The following CACNA2D3 variants were observed in gnomAD, a reference collection of about 807,000 sequenced individuals.
The protein encoded by CACNA2D3 is voltage-dependent calcium channel subunit alpha-2/delta-3.
CACNA2D3 carries 60 observed loss-of-function variants against 160.6 expected under a neutral mutation model. That is an observed-to-expected ratio of 0.37 (90% CI 0.30 to 0.46). The LOEUF is 0.46. CACNA2D3 is among the 20% of genes least tolerant of loss of function. The probability of loss-of-function intolerance (pLI) is 1.00; values close to 1 mark genes in which losing one functional copy is unlikely to be tolerated. For missense variants in CACNA2D3, 1,205 were observed against 1,365.0 expected (o/e 0.88, Z 1.85); for synonymous variants, 558 against 492.9 (o/e 1.13, Z -1.75).
chr3:54,304,469 C>T (rs951470099), intron 2 of CACNA2D3, among the ~76,000 whole-genome samples: 2 of 152,046 alleles, frequency 1.3e-5, no homozygotes, highest in Non-Finnish European at 2.9e-5. Context: ...GATGACCTCA[C>T]TTTGATTGTA....
intron 27 of CACNA2D3, among the ~76,000 whole-genome samples, chr3:54,933,347 A>G (rs1226568769): frequency 2.6e-5 from 4 of 152,214 alleles, no homozygotes; most frequent in African/African-American, 4.8e-5. Flanking sequence ...ATCACAGTCT[A>G]GTTCAGGTTG....
intron 9 of CACNA2D3, among the ~76,000 whole-genome samples, chr3:54,598,307 CAAAAAAAAAAA>C (rs10656534): frequency 1.2e-4 from 6 of 49,850 alleles, no homozygotes; most frequent in East Asian, 1.6e-3. Flanking sequence ...CTCCGTCTCA[CAAAAAAAAAAA>C]AAAAAAAAAA....
At chr3:54,273,605 G>A (rs1014197554) in intron 2 of CACNA2D3, among the ~76,000 whole-genome samples, 13 of 152,292 alleles carry the variant, frequency 8.5e-5, no homozygotes, top group Non-Finnish European at 1.8e-4. Flanking sequence ...TGAAGTGCAG[G>A]CAATTTACTC....
At chr3:54,886,199 C>G (rs1699922387) in intron 23 of CACNA2D3, among the ~76,000 whole-genome samples, 2 of 108,252 alleles carry the variant, frequency 1.8e-5, no homozygotes. Flanking sequence ...TAAAACTGAT[C>G]ATGATATCTG....
rs536488148 is a variant in CACNA2D3, at chr3:54,411,715, C to T, written c.381+24941C>T. The stretch of plus-strand genomic sequence containing the variant: ...TTTATCATGGTGTTATGGAACTAAA[C>T]CTACAGTATCTCTGAGGTATGCCCA... On this transcript the variant is annotated intron_variant, in intron 4 of 37. Coordinates refer to ENST00000474759, the MANE Select transcript of CACNA2D3 (RefSeq NM_018398.3). Among the ~76,000 whole-genome samples the T allele has an allele frequency of 1.1e-4, 17 of 152,248 alleles. 1 individual carries two copies. The South Asian group carries it at 3.5e-3, about 32-fold the overall frequency.
intron 17 of CACNA2D3, among the ~76,000 whole-genome samples, chr3:54,865,635 A>G (rs907410892): frequency 1.3e-5 from 2 of 152,186 alleles, no homozygotes; most frequent in African/African-American, 4.8e-5. Flanking sequence ...AGGTCGAACA[A>G]TCTCCTTAAA....
At chr3:54,403,190 C>CA (rs1393832224) in intron 4 of CACNA2D3, among the ~76,000 whole-genome samples, 2 of 150,924 alleles carry the variant, frequency 1.3e-5, no homozygotes, top group South Asian at 4.2e-4. Flanking sequence ...CCTGTCTCTG[C>CA]AAAAAATAAA....
intron 31 of CACNA2D3, among the ~76,000 whole-genome samples, chr3:54,999,406 A>T (rs566255548): frequency 4.1e-4 from 63 of 152,290 alleles, no homozygotes; most frequent in Non-Finnish European, 6.0e-4. Flanking sequence ...CCCAGAGGAC[A>T]CATTTTATAG....
chr3:54,166,672 G>A (rs1475610388), intron 2 of CACNA2D3, among the ~76,000 whole-genome samples: 1 of 152,184 alleles, frequency 6.6e-6, no homozygotes, highest in Non-Finnish European at 1.5e-5. Flanking sequence ...GCTATTGCCT[G>A]TGTGGTGCTT....
chr3:54,822,832 T>TTTTCTTTCTTTCTTTCTTTCTTTC (rs60981421), intron 14 of CACNA2D3, among the ~76,000 whole-genome samples: 2 of 58,030 alleles, frequency 3.4e-5, no homozygotes, highest in African/African-American at 1.7e-4. Flanking sequence ...TCTTTCTTTC[T>TTTTCTTTCTTTCTTTCTTTCTTTC]TTTCTTTCTT....
At chr3:54,389,854 C>A (rs1392769159) in intron 4 of CACNA2D3, among the ~76,000 whole-genome samples, 1 of 152,106 alleles carries the variant, frequency 6.6e-6, no homozygotes, top group Non-Finnish European at 1.5e-5. Flanking sequence ...TGAACTGGAT[C>A]CTGAACTAGA....
intron 3 of CACNA2D3, among the ~76,000 whole-genome samples, chr3:54,324,516 C>T (rs978374001): frequency 6.6e-6 from 1 of 152,068 alleles, no homozygotes; most frequent in African/African-American, 2.4e-5. Flanking sequence ...GGTAGCATTT[C>T]TTAACTAATA....
chr3:54,248,807 C>T (rs1162773341), intron 2 of CACNA2D3, among the ~76,000 whole-genome samples: 4 of 152,180 alleles, frequency 2.6e-5, no homozygotes, highest in Non-Finnish European at 5.9e-5. Context: ...TGGGTTACTC[C>T]AGCAGATAAA....
chr3:54,644,351 A>G (rs1477319247), intron 11 of CACNA2D3, among the ~76,000 whole-genome samples: 1 of 152,122 alleles, frequency 6.6e-6, no homozygotes, highest in Non-Finnish European at 1.5e-5. Context: ...TTTTATGATT[A>G]CAAGTTAACT....
chr3:54,423,472 C>T (rs556494860), intron 4 of CACNA2D3, among the ~76,000 whole-genome samples: 97 of 152,252 alleles, frequency 6.4e-4, no homozygotes, highest in African/African-American at 2.3e-3. Context: ...CCCCTAGTAC[C>T]GTGCCTGGCA....
intron 35 of CACNA2D3, among the ~76,000 whole-genome samples, chr3:55,052,410 A>G (rs766258732): frequency 6.6e-6 from 1 of 150,946 alleles, no homozygotes; most frequent in Non-Finnish European, 1.5e-5. Context: ...TTCTATATAT[A>G]TGTTTGTGTG....
chr3:54,323,774 G>A (rs968350240), intron 3 of CACNA2D3, among the ~76,000 whole-genome samples: 16 of 152,022 alleles, frequency 1.1e-4, no homozygotes, highest in South Asian at 4.2e-4. Context: ...CCCCCACCCC[G>A]CTATTTTCTG....
intron 3 of CACNA2D3, among the ~76,000 whole-genome samples, chr3:54,326,909 A>G (rs537200210): frequency 7.9e-5 from 12 of 152,168 alleles, no homozygotes; most frequent in African/African-American, 1.2e-4. Context: ...GGAGACTATT[A>G]ATTTTTTATG....
At position 54,763,790 on chromosome 3, in the gene CACNA2D3, T is replaced by TATATATATGTACATATATATAC. The variant is rs1702147683; in HGVS notation, c.1247-419_1247-398dup. Reference sequence around the variant, plus strand: ...ATATGTATATATGTACATATATATGTATATATATGTACATATATATACATA... The same window carrying TATATATATGTACATATATATAC: ...ATATGTATATATGTACATATATATGTATATATATGTACATATATATACATATATATGTACATATATATACATA... On this transcript the variant is annotated intron_variant, in intron 12 of 37. Transcript: ENST00000474759. 5.3e-5 allele frequency among the ~76,000 whole-genome samples: 2 copies of TATATATATGTACATATATATAC among 37,652 alleles called. 1 individual carries two copies. The allele number at this position is 37,652 out of a possible 152,430, so 24.7% of individuals were successfully genotyped here.
Sources: gnomAD v4.1 joint callset for allele counts (sites outside exome capture counted in the v4.1 genomes callset) on GRCh38, gnomAD v4.1.1 for gene constraint, MANE v1.5 for transcripts, NCBI Gene and HGNC (gene_info 2026-07-23, HGNC 2026-07-21) for gene names.